Variants in EFR3A observed in about 807,000 individuals in gnomAD.
EFR3A encodes the protein protein EFR3 homolog A.
Under a neutral mutation model 104.4 loss-of-function variants are expected in EFR3A, and 76 were observed. The observed-to-expected ratio is 0.73, with a 90% CI of 0.60 to 0.88. EFR3A has a LOEUF of 0.88. EFR3A is among the 40% of genes least tolerant of loss of function. The pLI, the probability that EFR3A is intolerant of heterozygous loss-of-function variation, is 0.00. For synonymous variants in EFR3A, 330 were observed against 330.0 expected (o/e 1.00, Z 0.00); for missense variants, 985 against 1,012.5 (o/e 0.97, Z 0.37).
At position 131,940,988 on chromosome 8, in the gene EFR3A, T is replaced by TA. The variant is rs534837945; in HGVS notation, c.87+423dup. On this transcript the variant is annotated intron_variant, in intron 2 of 22. Coordinates refer to ENST00000254624, the MANE Select transcript of EFR3A (RefSeq NM_015137.6). ...GTAAATTGGTAATTACAGTTTCTTG[T>TA]AAAAAAAAAATGTTGTACTAGACAA... 1.9e-3 allele frequency among the ~76,000 whole-genome samples: 281 copies of TA among 149,338 alleles called. 1 individual carries two copies. Among genetic ancestry groups the TA allele is most frequent in the African/African-American group, 5.7e-3 (234 of 40,918 alleles).
At chr8:131,933,739 T>C (rs567659821) in intron 1 of EFR3A, among the ~76,000 whole-genome samples, 1 of 151,946 alleles carries the variant, frequency 6.6e-6, no homozygotes, top group Admixed American at 6.5e-5. Flanking sequence ...AATTAAAAAT[T>C]GTAATAGTGG....
At chr8:131,962,481 A>G (rs892749383) in intron 8 of EFR3A, among the ~76,000 whole-genome samples, 4 of 152,238 alleles carry the variant, frequency 2.6e-5, no homozygotes, top group Non-Finnish European at 5.9e-5. Flanking sequence ...ACATAATGGT[A>G]AAGGGATCAA....
chr8:131,990,733 G>C (rs576785442), intron 18 of EFR3A, among the ~76,000 whole-genome samples: 34 of 152,248 alleles, frequency 2.2e-4, no homozygotes, highest in African/African-American at 8.2e-4. Context: ...AGAAATGACA[G>C]TGGCCCATAA....
intron 19 of EFR3A, among the ~76,000 whole-genome samples, chr8:132,000,413 C>T (rs1352778249): frequency 6.6e-6 from 1 of 152,192 alleles, no homozygotes; most frequent in Non-Finnish European, 1.5e-5. Context: ...CAGGCGTGAG[C>T]CACTGTGCCT....
At chr8:131,970,696 C>T in intron 10 of EFR3A, 53 bp downstream of exon 10, 1 of 1,517,178 alleles carries the variant, frequency 6.6e-7, no homozygotes, top group East Asian at 2.3e-5. Flanking sequence ...ATTTACAAAG[C>T]TCTCACATAA....
At chr8:131,955,639 A>C (rs576879672) in intron 6 of EFR3A, 129 bp from the exon 7 acceptor site, 654 of 892,902 alleles carry the variant, frequency 7.3e-4, no homozygotes, top group Middle Eastern at 1.0e-3. Context: ...AATTAGAATT[A>C]AGCTATATAT....
chr8:131,960,179 CCTTT>C (rs1271235597), intron 8 of EFR3A, among the ~76,000 whole-genome samples: 2 of 152,140 alleles, frequency 1.3e-5, no homozygotes, highest in African/African-American at 4.8e-5. Context: ...AAGGGACTTT[CCTTT>C]CTTGTCATTT....
At chr8:131,926,661 T>C (rs973730870) in intron 1 of EFR3A, among the ~76,000 whole-genome samples, 3 of 152,068 alleles carry the variant, frequency 2.0e-5, no homozygotes, top group African/African-American at 7.2e-5. Context: ...GCTCTGTTGC[T>C]CAGGCTGGAG....
At chr8:131,998,761 G>A (rs1586673443) in intron 19 of EFR3A, among the ~76,000 whole-genome samples, 2 of 152,014 alleles carry the variant, frequency 1.3e-5, no homozygotes, top group East Asian at 3.9e-4. Context: ...CTCAAAGCAA[G>A]AGGGAGATTT....
intron 12 of EFR3A, 86 bp from the exon 13 acceptor site, chr8:131,978,761 G>T: frequency 9.3e-7 from 1 of 1,075,748 alleles, no homozygotes; most frequent in Non-Finnish European, 1.2e-6. Context: ...TCTTTCCTAA[G>T]TTTATGGTTC....
intron 1 of EFR3A, among the ~76,000 whole-genome samples, chr8:131,923,253 T>A (rs1817137625): frequency 6.6e-6 from 1 of 152,134 alleles, no homozygotes; most frequent in Non-Finnish European, 1.5e-5. Context: ...TGTTGGCATG[T>A]GTGTGTATAA....
intron 16 of EFR3A, among the ~76,000 whole-genome samples, chr8:131,985,425 T>G (rs971965586): frequency 6.6e-6 from 1 of 152,184 alleles, no homozygotes; most frequent in African/African-American, 2.4e-5. Flanking sequence ...GAGGCAGATC[T>G]CAAAAGTTGA....
intron 10 of EFR3A, among the ~76,000 whole-genome samples, chr8:131,974,276 A>G (rs1247217729): frequency 6.6e-6 from 1 of 152,230 alleles, no homozygotes; most frequent in African/African-American, 2.4e-5. Flanking sequence ...TTTGAAAAGC[A>G]TGAAGAATGA....
At chr8:131,934,048 G>A (rs976534974) in intron 1 of EFR3A, among the ~76,000 whole-genome samples, 1 of 152,122 alleles carries the variant, frequency 6.6e-6, no homozygotes, top group African/African-American at 2.4e-5. Context: ...ACGATTATAT[G>A]TGGAAAGAAT....
chr8:131,904,142 C>T lies in EFR3A; in HGVS notation c.-171C>T, dbSNP rs957311336. 1.2e-5 allele frequency: 9 copies of T among 733,706 alleles called. No individual in the cohort carries two copies. In the South Asian group the frequency reaches 2.0e-4, roughly 16 times the overall value. The allele number at this position is 733,706 out of a possible 1,614,324, so 45.4% of individuals were successfully genotyped here. On this transcript the variant is annotated 5_prime_UTR_variant, in exon 1 of 23. Coordinates refer to ENST00000254624, the MANE Select transcript of EFR3A (RefSeq NM_015137.6). The stretch of plus-strand genomic sequence containing the variant: ...GTGGGCTGGCGGCGGTAGCTGTCGC[C>T]CGCTTGGTTGCGTGACCGCGGGGTC...
In EFR3A at chr8:131,986,248, A is replaced by G; in HGVS notation, c.1924A>G (p.Arg642Gly). Reference protein sequence around the residue: ...APYFLPEHIFRDKCMLPKSLE... With the variant: ...APYFLPEHIFGDKCMLPKSLE... ...TTATTTTCTACCAGAGCATATCTTC[A>G]GAGATAAGTGCATGTATGTTAATTC... Residue 642 changes from arginine (R) to glycine (G), a missense_variant, in exon 17 of 23, where the codon AGA (arginine) becomes GGA (glycine). Coordinates refer to ENST00000254624, the MANE Select transcript of EFR3A (RefSeq NM_015137.6). 1 of 1,576,280 alleles carries G rather than the reference A, an allele frequency of 6.3e-7. No individual in the cohort carries two copies.
chr8:131,986,023 A>G (rs1461500643), intron 16 of EFR3A, among the ~76,000 whole-genome samples, 171 bp from the exon 17 acceptor site: 1 of 152,224 alleles, frequency 6.6e-6, no homozygotes, highest in Non-Finnish European at 1.5e-5. Context: ...TGTGAAAACA[A>G]AACAAACTTT....
At chr8:132,006,556 A>C (rs2130816225) in intron 22 of EFR3A, among the ~76,000 whole-genome samples, 1 of 152,158 alleles carries the variant, frequency 6.6e-6, no homozygotes, top group South Asian at 2.1e-4. Flanking sequence ...AGCATCCTAC[A>C]AGAAAATGCA....
At chr8:131,939,172 A>G (rs1299558006) in intron 1 of EFR3A, among the ~76,000 whole-genome samples, 1 of 152,116 alleles carries the variant, frequency 6.6e-6, no homozygotes, top group Admixed American at 6.6e-5. Flanking sequence ...AGCTTTATAT[A>G]CAATTTTATT....
Sources: gnomAD v4.1 joint callset for allele counts (sites outside exome capture counted in the v4.1 genomes callset) on GRCh38, gnomAD v4.1.1 for gene constraint, MANE v1.5 for transcripts, NCBI Gene and HGNC (gene_info 2026-07-23, HGNC 2026-07-21) for gene names.